ATG7: variants seen among roughly 807,000 people sequenced by gnomAD.
ATG7 encodes the protein ubiquitin-like modifier-activating enzyme ATG7.
A neutral mutation model predicts 82.4 loss-of-function variants in ATG7; 70 were observed. The ratio of observed to expected loss-of-function variants is 0.85; its 90% CI spans 0.70 to 1.04. The LOEUF (loss-of-function observed/expected upper bound fraction) is 1.04. Among genes scored for constraint, ATG7 ranks in the 50% least tolerant of loss-of-function variants. The pLI is 0.00. For missense variants in ATG7, 792 were observed against 864.3 expected (o/e 0.92, Z 1.05); for synonymous variants, 287 against 313.0 (o/e 0.92, Z 0.88).
intron 20 of ATG7, among the ~76,000 whole-genome samples, chr3:11,470,364 G>T (rs911254142): frequency 1.3e-5 from 2 of 152,246 alleles, no homozygotes; most frequent in African/African-American, 4.8e-5. Context: ...TGGATGGCTT[G>T]TGAGTGTACT....
At chr3:11,319,889 TA>T (rs1024516209) in intron 9 of ATG7, among the ~76,000 whole-genome samples, 5 of 152,358 alleles carry the variant, frequency 3.3e-5, no homozygotes, top group African/African-American at 1.2e-4. Flanking sequence ...TCCTTGTATC[TA>T]CTGTGGGCCT....
intron 20 of ATG7, among the ~76,000 whole-genome samples, chr3:11,518,882 C>A (rs777662966): frequency 1.5e-4 from 23 of 152,074 alleles, no homozygotes; most frequent in Non-Finnish European, 2.5e-4. Context: ...TCCTATGACC[C>A]CAAGTTTCTC....
At chr3:11,494,856 G>A (rs757054919) in intron 20 of ATG7, among the ~76,000 whole-genome samples, 2 of 152,112 alleles carry the variant, frequency 1.3e-5, no homozygotes, top group Admixed American at 6.5e-5. Context: ...AGTGGATCAC[G>A]AGGTCAGGAG....
At chr3:11,340,017 T>C (rs1182135011) in intron 11 of ATG7, among the ~76,000 whole-genome samples, 2 of 152,150 alleles carry the variant, frequency 1.3e-5, no homozygotes, top group Non-Finnish European at 2.9e-5. Flanking sequence ...GAATTGGAGT[T>C]AATTGGAGTT....
At chr3:11,385,535 T>G (rs535779419) in intron 19 of ATG7, among the ~76,000 whole-genome samples, 2 of 152,200 alleles carry the variant, frequency 1.3e-5, no homozygotes, top group Non-Finnish European at 2.9e-5. Flanking sequence ...GCCACTGTCT[T>G]CAAGGAACAC....
chr3:11,297,962 C>T (rs573761616), intron 3 of ATG7, among the ~76,000 whole-genome samples: 11 of 152,230 alleles, frequency 7.2e-5, no homozygotes, highest in African/African-American at 1.2e-4. Context: ...ACATTAAGGC[C>T]GCAAAGGTTA....
Position 11,296,548 on chromosome 3 carries a change from A to C in ATG7, c.-10-2138A>C, listed in dbSNP as rs115986304. ...CTGCCTCTTTCAAAGCCCTTTACCC[A>C]CTGCGGAATCATATTTACCATGCAG... On this transcript the variant is annotated intron_variant, in intron 3 of 20. Transcript: ENST00000693202. 5.1e-3 allele frequency among the ~76,000 whole-genome samples: 777 copies of C among 152,176 alleles called. 5 individuals carry two copies. The highest frequency in any genetic ancestry group is 8.4e-3 in the Non-Finnish European group (571 of 68,010).
intron 3 of ATG7, among the ~76,000 whole-genome samples, chr3:11,295,164 T>C (rs1023875598): frequency 3.9e-5 from 6 of 152,166 alleles, no homozygotes; most frequent in Admixed American, 3.3e-4. Context: ...TGGAAAACGC[T>C]TGGTCAGGCG....
chr3:11,388,445 T>C (rs1428994632), intron 19 of ATG7, among the ~76,000 whole-genome samples: 2 of 151,754 alleles, frequency 1.3e-5, no homozygotes, highest in African/African-American at 2.4e-5. Context: ...TTTTTTTTTT[T>C]TTTTAAGGAG....
chr3:11,563,253 C>T, the ATG7 span, among the ~76,000 whole-genome samples: 48 of 152,328 alleles, frequency 3.2e-4, no homozygotes, highest in South Asian at 8.3e-3. Flanking sequence ...CCCTCCATAC[C>T]CGTGTCCTTC....
At chr3:11,407,609 C>T (rs1427346967) in intron 19 of ATG7, among the ~76,000 whole-genome samples, 1 of 152,234 alleles carries the variant, frequency 6.6e-6, no homozygotes, top group African/African-American at 2.4e-5. Flanking sequence ...GCCTGGGCAT[C>T]CAGGTGTTTC....
intron 20 of ATG7, among the ~76,000 whole-genome samples, chr3:11,538,044 C>A (rs113124207): frequency 6.6e-6 from 1 of 152,178 alleles, no homozygotes; most frequent in Non-Finnish European, 1.5e-5. Context: ...GTGTGGGATT[C>A]CAGATGACCC....
At position 11,378,706 on chromosome 3, in the gene ATG7, A is replaced by AAAAAAAAAAC. The variant is rs1559501467; in HGVS notation, c.1876-1263_1876-1262insAAAAAACAAA. ...TCTCCAAAAAAAAAAAAAAAAAAAA[A>AAAAAAAAAAC]AAATTGCTGTAGGCATGTTTTTCCA... is the stretch of plus-strand genomic sequence containing the variant. On this transcript the variant is annotated intron_variant, in intron 18 of 20. Coordinates refer to ENST00000693202, the MANE Select transcript of ATG7 (RefSeq NM_001349232.2). Among the ~76,000 whole-genome samples the AAAAAAAAAAC allele has an allele frequency of 4.0e-4, 60 of 150,062 alleles. 1 individual carries two copies. The highest frequency in any genetic ancestry group is 1.4e-3 in the African/African-American group (55 of 40,018).
intron 20 of ATG7, among the ~76,000 whole-genome samples, chr3:11,468,799 G>T (rs1055467035): frequency 2.0e-5 from 3 of 152,174 alleles, no homozygotes; most frequent in Non-Finnish European, 4.4e-5. Context: ...AGCCAGGGAG[G>T]CTCGGTTTCA....
At chr3:11,527,088 T>C (rs956599461) in intron 20 of ATG7, among the ~76,000 whole-genome samples, 1 of 140,884 alleles carries the variant, frequency 7.1e-6, no homozygotes, top group Non-Finnish European at 1.5e-5. Flanking sequence ...TATATATATA[T>C]ATATACATAC....
chr3:11,444,202 C>T (rs2084296814), intron 20 of ATG7, among the ~76,000 whole-genome samples: 2 of 152,260 alleles, frequency 1.3e-5, no homozygotes, highest in Admixed American at 1.3e-4. Flanking sequence ...TGAAATTTCT[C>T]CTCTACGGTA....
At position 11,416,069 on chromosome 3, in the gene ATG7, C is replaced by G. The variant is rs575570152; in HGVS notation, c.1957-10735C>G. Reference sequence around the variant, plus strand: ...CATTGTATATGCAGTTCCTCCTTGACTGAAATGTCATGTGGTGCATTACTG... The same window carrying G: ...CATTGTATATGCAGTTCCTCCTTGAGTGAAATGTCATGTGGTGCATTACTG... On this transcript the variant is annotated intron_variant, in intron 19 of 20. Coordinates refer to ENST00000693202, the MANE Select transcript of ATG7 (RefSeq NM_001349232.2). 7.2e-5 allele frequency among the ~76,000 whole-genome samples: 11 copies of G among 152,294 alleles called. No individual in the cohort carries two copies. In the East Asian group the frequency reaches 2.1e-3, roughly 29 times the overall value.
intron 19 of ATG7, among the ~76,000 whole-genome samples, chr3:11,396,034 C>G (rs556208703): frequency 6.7e-6 from 1 of 148,536 alleles, no homozygotes; most frequent in East Asian, 2.0e-4. Context: ...GAGTCCACCA[C>G]TAGCATGTTT....
At chr3:11,573,248 A>AG in the ATG7 span, among the ~76,000 whole-genome samples, 2 of 5,706 alleles carry the variant, frequency 3.5e-4, no homozygotes, top group African/African-American at 1.4e-3. Context: ...AGAAATAGAG[A>AG]AAGAAAGAAA....
Sources: gnomAD v4.1 joint callset for allele counts (sites outside exome capture counted in the v4.1 genomes callset) on GRCh38, gnomAD v4.1.1 for gene constraint, MANE v1.5 for transcripts, NCBI Gene and HGNC (gene_info 2026-07-23, HGNC 2026-07-21) for gene names.